LIPI: variants seen among roughly 807,000 people sequenced by gnomAD.
LIPI encodes lipase member I.
A neutral mutation model predicts 50.6 loss-of-function variants in LIPI; 59 were observed. The ratio of observed to expected loss-of-function variants is 1.16; its 90% CI spans 0.94 to 1.45. The LOEUF (loss-of-function observed/expected upper bound fraction) is 1.45. Ranked by LOEUF, LIPI falls within the 40% of genes most tolerant of loss-of-function variation. LIPI has a pLI of 0.00. For missense variants in LIPI, 586 were observed against 536.3 expected (o/e 1.09, Z -0.92); for synonymous variants, 203 against 178.2 (o/e 1.14, Z -1.11).
chr21:14,156,570 A>T (rs2018278554), intron 7 of LIPI, among the ~76,000 whole-genome samples: 2 of 151,962 alleles, frequency 1.3e-5, no homozygotes, highest in African/African-American at 4.8e-5. Context: ...GAACTTTAAG[A>T]TAGTATATTT....
intron 4 of LIPI, among the ~76,000 whole-genome samples, chr21:14,179,684 C>G (rs1293397405): frequency 6.6e-6 from 1 of 152,172 alleles, no homozygotes; most frequent in African/African-American, 2.4e-5. Context: ...CCAAATAATA[C>G]TTTTATAACT....
intron 6 of LIPI, among the ~76,000 whole-genome samples, chr21:14,164,549 A>G (rs1321995519): frequency 1.3e-5 from 2 of 152,172 alleles, no homozygotes; most frequent in Non-Finnish European, 2.9e-5. Flanking sequence ...ATCTCTGGGG[A>G]ATTCTGCCAT....
chr21:14,195,473 T>C (rs1348986376), intron 1 of LIPI, among the ~76,000 whole-genome samples: 2 of 152,068 alleles, frequency 1.3e-5, no homozygotes, highest in African/African-American at 2.4e-5. Flanking sequence ...GAACTTAGAG[T>C]CATCCTCCTT....
rs2018952689 is a variant in LIPI at position 14,172,547 on chromosome 21, T to C, written c.644-6096A>G. Among the ~76,000 whole-genome samples the C allele has an allele frequency of 2.0e-5, 3 of 151,800 alleles. No homozygotes were observed. The South Asian group carries it at 6.3e-4, about 32-fold the overall frequency. On this transcript the variant is annotated intron_variant, in intron 4 of 9. Coordinates refer to ENST00000681601, the MANE Select transcript of LIPI (RefSeq NM_001302998.2). ...AATACTATGCAGCCATAAAAAATGA[T>C]GAGTTCATGTCCTTTGTAGGGACAT...
intron 4 of LIPI, among the ~76,000 whole-genome samples, chr21:14,175,761 A>G (rs1212142944): frequency 6.6e-6 from 1 of 152,168 alleles, no homozygotes. Context: ...CTGAAACAGA[A>G]CCAGGTAATT....
intron 9 of LIPI, among the ~76,000 whole-genome samples, chr21:14,114,454 A>T (rs1262410994): frequency 6.6e-6 from 1 of 152,090 alleles, no homozygotes; most frequent in Admixed American, 6.6e-5. Flanking sequence ...AAACAGGAAA[A>T]ACCTGTCCTA....
intron 4 of LIPI, among the ~76,000 whole-genome samples, chr21:14,169,675 G>A (rs1274114507): frequency 3.9e-5 from 6 of 152,166 alleles, no homozygotes; most frequent in Non-Finnish European, 8.8e-5. Flanking sequence ...TGAGAACAAA[G>A]ACACAACATA....
Position 14,143,971 on chromosome 21 carries a change from A to G in LIPI, c.1295+652T>C, listed in dbSNP as rs2017810073. Reference sequence around the variant, plus strand: ...GTTACATTTTAATAGGAATGGGGATATTTGTGATATACTGACAAACCAAGA... The same window carrying G: ...GTTACATTTTAATAGGAATGGGGATGTTTGTGATATACTGACAAACCAAGA... On this transcript the variant is annotated intron_variant, in intron 9 of 9. Coordinates refer to ENST00000681601, the MANE Select transcript of LIPI (RefSeq NM_001302998.2). 5.7e-5 allele frequency: 10 copies of G among 174,700 alleles called. No individual in the cohort carries two copies. The South Asian group carries it at 1.4e-3, about 25-fold the overall frequency. The allele number at this position is 174,700 out of a possible 1,614,324, so 10.8% of individuals were successfully genotyped here.
rs1006452748 is a variant in LIPI at position 14,201,941 on chromosome 21, T to C, written c.46+8859A>G. ...TGATTGTATATCTAGAAAACCCCATTGTCTCAGCCCAAAATCTCCTTAAGC... is the reference window on the plus strand; with the variant it reads ...TGATTGTATATCTAGAAAACCCCATCGTCTCAGCCCAAAATCTCCTTAAGC... On this transcript the variant is annotated intron_variant, in intron 1 of 9. Coordinates refer to ENST00000681601, the MANE Select transcript of LIPI (RefSeq NM_001302998.2). Among the ~76,000 whole-genome samples the C allele has an allele frequency of 2.6e-5, 4 of 152,214 alleles. No homozygotes were observed. The East Asian group carries it at 7.7e-4, about 29-fold the overall frequency.
rs1182416920 is a variant in LIPI at position 14,187,105 on chromosome 21, A to AATTAATT, written c.433-1043_433-1037dup. The stretch of plus-strand genomic sequence containing the variant: ...ATGATTCTCACTTCAGAGATGATGA[A>AATTAATT]ATTAATTTTATGGATTTTAGGTGAC... On this transcript the variant is annotated intron_variant, in intron 2 of 9. Transcript: ENST00000681601. 3.9e-5 allele frequency among the ~76,000 whole-genome samples: 6 copies of AATTAATT among 152,222 alleles called. No homozygotes were observed. In the East Asian group the frequency reaches 1.2e-3, roughly 29 times the overall value.
chr21:14,109,036 T>G lies in LIPI; in HGVS notation c.1340A>C (p.Glu447Ala). ...RYNIVLKDRE[E>A]VFLNPNTCTP... ...ACATGTGTTTGGATTAAGAAACACT[T>G]CCTCTCTGTCTTTAAGTACAATATT... The change falls in exon 10 of 10, where the codon GAA becomes GCA. Residue 447 changes from glutamate to alanine, a missense_variant. Physicochemically the swap from Glu to Ala is moderately radical, Grantham distance 107 (BLOSUM62 -1). Transcript: ENST00000681601. 6.3e-7 allele frequency: 1 copy of G among 1,599,512 alleles called. No individual in the cohort carries two copies. Among genetic ancestry groups the G allele is most frequent in the East Asian group, 2.2e-5 (1 of 44,662 alleles).
chr21:14,116,544 G>A (rs1305463289), intron 9 of LIPI, among the ~76,000 whole-genome samples: 2 of 152,202 alleles, frequency 1.3e-5, no homozygotes, highest in Non-Finnish European at 2.9e-5. Context: ...CTTTGATGGT[G>A]ATTATGGAAT....
intron 7 of LIPI, among the ~76,000 whole-genome samples, chr21:14,162,789 C>T (rs1220472624): frequency 6.6e-6 from 1 of 151,798 alleles, no homozygotes; most frequent in Non-Finnish European, 1.5e-5. Context: ...AAGTACTTAT[C>T]TCTCAGTAAT....
chr21:14,142,731 G>A (rs1156317112), intron 9 of LIPI, among the ~76,000 whole-genome samples: 1 of 151,568 alleles, frequency 6.6e-6, no homozygotes, highest in African/African-American at 2.4e-5. Flanking sequence ...TGATCCTCCC[G>A]ACTTGGCCTC....
chr21:14,179,775 G>C (rs1312883162), intron 4 of LIPI, among the ~76,000 whole-genome samples: 1 of 152,182 alleles, frequency 6.6e-6, no homozygotes, highest in Non-Finnish European at 1.5e-5. Context: ...GGACCACTGT[G>C]ATAATTGTGT....
rs71183410 is a variant in LIPI at position 14,176,721 on chromosome 21, CTT to C, written c.643+5035_643+5036del. ...CAAACATTTTTATTTGCTTTCAATT[CTT>C]TTTTTTTTTGGTTACATTTCGCTAA... On this transcript the variant is annotated intron_variant, in intron 4 of 9. Transcript: ENST00000681601. 2.5e-4 allele frequency among the ~76,000 whole-genome samples: 33 copies of C among 133,404 alleles called. 1 individual carries two copies. In the South Asian group the frequency reaches 7.5e-3, roughly 30 times the overall value. 87.5% of individuals were successfully genotyped at this position (133,404 alleles called of 152,430 possible).
At chr21:14,162,514 C>T (rs148887716) in intron 7 of LIPI, among the ~76,000 whole-genome samples, 206 of 151,908 alleles carry the variant, frequency 1.4e-3, no homozygotes, top group African/African-American at 4.6e-3. Flanking sequence ...TGTCAATATC[C>T]TGCTACTACT....
rs180858189 is a variant in LIPI, at chr21:14,194,697, A to G, written c.47-5278T>C. ...TAGATATAGAGTTGATGGGTACAGA[A>G]TTTGAGTTTTGAAAGATAAAAAATT... is the stretch of plus-strand genomic sequence containing the variant. On this transcript the variant is annotated intron_variant, in intron 1 of 9. Transcript: ENST00000681601. 3.3e-5 allele frequency among the ~76,000 whole-genome samples: 5 copies of G among 152,290 alleles called. No individual in the cohort carries two copies. The East Asian group carries it at 9.6e-4, about 29-fold the overall frequency.
chr21:14,209,890 TAA>T (rs1011039272), intron 1 of LIPI, among the ~76,000 whole-genome samples: 27 of 152,044 alleles, frequency 1.8e-4, no homozygotes, highest in Non-Finnish European at 3.2e-4. Context: ...TCAAGAAACT[TAA>T]GAGTAATAAT....
Sources: allele counts gnomAD v4.1 joint callset (sites outside exome capture counted in the v4.1 genomes callset), GRCh38; gene constraint gnomAD v4.1.1; transcripts MANE v1.5; gene names NCBI Gene and HGNC (gene_info 2026-07-23, HGNC 2026-07-21).